The following DIAPH2 variants were observed in gnomAD, a reference collection of about 807,000 sequenced individuals.
DIAPH2 encodes protein diaphanous homolog 2.
In DIAPH2, 35 loss-of-function variants were observed where a neutral mutation model predicts 92.7. The ratio of observed to expected loss-of-function variants is 0.38; its 90% CI spans 0.29 to 0.50. DIAPH2 has a LOEUF of 0.50. DIAPH2 is among the 20% of genes least tolerant of loss of function. The probability of loss-of-function intolerance (pLI) is 0.94; values close to 1 mark genes in which losing one functional copy is unlikely to be tolerated. For missense variants in DIAPH2, 701 were observed against 819.5 expected, an observed-to-expected ratio of 0.86 and a Z score of 1.77; for synonymous variants, 301 against 280.4, an observed-to-expected ratio of 1.07 and a Z score of -0.73.
At position 96,865,576 on chromosome X, in the gene DIAPH2, G is replaced by A. The variant is rs760550269; in HGVS notation, c.448-16003G>A. 3.6e-5 allele frequency among the ~76,000 whole-genome samples: 4 copies of A among 112,042 alleles called. No homozygotes were observed. In the South Asian group the frequency reaches 1.1e-3, roughly 32 times the overall value. On this transcript the variant is annotated intron_variant, in intron 4 of 26. Coordinates refer to ENST00000324765, the MANE Select transcript of DIAPH2 (RefSeq NM_006729.5). ...GCAGGGGAGGGCATCAGATGAAGTTGTAGAAAGAGGTAGGGGAAAAATTAC... is the reference window on the plus strand; with the variant it reads ...GCAGGGGAGGGCATCAGATGAAGTTATAGAAAGAGGTAGGGGAAAAATTAC...
intron 5 of DIAPH2, among the ~76,000 whole-genome samples, chrX:96,883,184 T>A (rs1260413685): frequency 1.8e-5 from 2 of 110,193 alleles, no homozygotes; most frequent in Admixed American, 2.0e-4. Context: ...AGTTTGGATT[T>A]ATGTATAAAT....
intron 25 of DIAPH2, among the ~76,000 whole-genome samples, chrX:97,414,215 A>T (rs1380487244): frequency 8.9e-6 from 1 of 111,797 alleles, no homozygotes; most frequent in Non-Finnish European, 1.9e-5. Context: ...GAGATAGCCC[A>T]ATAGAACATA....
intron 22 of DIAPH2, among the ~76,000 whole-genome samples, chrX:97,215,810 C>T (rs1362804103): frequency 8.9e-6 from 1 of 112,121 alleles, no homozygotes; most frequent in Non-Finnish European, 1.9e-5. Context: ...CGTTCATACA[C>T]TTACAGAGAA....
At chrX:96,744,836 G>A (rs1023697093) in intron 3 of DIAPH2, among the ~76,000 whole-genome samples, 1 of 110,989 alleles carries the variant, frequency 9.0e-6, no homozygotes, top group Non-Finnish European at 1.9e-5. Context: ...TGTTCTTGTC[G>A]TATTTGATGG....
chrX:97,330,085 T>TTGTGTGTG (rs367920689), intron 23 of DIAPH2, among the ~76,000 whole-genome samples: 2,068 of 94,845 alleles, frequency 0.022, 25 homozygotes, highest in Middle Eastern at 0.036. Context: ...GATTTGGTGT[T>TTGTGTGTG]TGTGTGTGTG....
intron 23 of DIAPH2, among the ~76,000 whole-genome samples, chrX:97,249,281 C>T (rs1195071141): frequency 9.0e-6 from 1 of 111,394 alleles, no homozygotes; most frequent in Admixed American, 9.6e-5. Context: ...TAATTTCAAA[C>T]CCTCATGAAC....
chrX:97,466,692 C>T (rs763423466), intron 26 of DIAPH2, among the ~76,000 whole-genome samples: 1 of 112,234 alleles, frequency 8.9e-6, no homozygotes, highest in African/African-American at 3.2e-5. Flanking sequence ...TTTGTTGTTG[C>T]TCTTGCTGTT....
intron 26 of DIAPH2, among the ~76,000 whole-genome samples, chrX:97,585,689 C>A (rs1288260488): frequency 2.7e-5 from 3 of 111,086 alleles, no homozygotes; most frequent in African/African-American, 9.8e-5. Flanking sequence ...GAAAATATCA[C>A]CCCTTTCAGG....
intron 22 of DIAPH2, among the ~76,000 whole-genome samples, chrX:97,234,778 A>G (rs1371336289): frequency 8.9e-6 from 1 of 112,084 alleles, no homozygotes; most frequent in Non-Finnish European, 1.9e-5. Flanking sequence ...CACAGGCCAT[A>G]CGAAAACAGG....
chrX:97,543,087 C>T (rs1602658921), intron 26 of DIAPH2, among the ~76,000 whole-genome samples: 1 of 112,617 alleles, frequency 8.9e-6, no homozygotes, highest in African/African-American at 3.2e-5. Context: ...GCAGTTCCTG[C>T]CACTAGTCTC....
In DIAPH2 at chrX:96,945,538, A is replaced by G; in HGVS notation, c.1456A>G (p.Asn486Asp). 8.6e-7 allele frequency: 1 copy of G among 1,161,930 alleles called. No homozygotes were observed. The highest frequency in any genetic ancestry group is 1.1e-6 in the Non-Finnish European group (1 of 876,818). The change falls in exon 14 of 27, where the codon AAC (asparagine) becomes GAC (aspartate). Residue 486 changes from asparagine to aspartate, a missense_variant. By Grantham distance (23) the Asn-to-Asp change is conservative (BLOSUM62 1). This residue lies in a region of DIAPH2 where 536 missense variants were observed against 599.3 expected (regional missense o/e 0.89). Coordinates refer to ENST00000324765, the MANE Select transcript of DIAPH2 (RefSeq NM_006729.5). ...TTTGATCTTAATAGATTCTTGTGTG[A>G]ACAAGGCGAAAGTTGAAGAAAGTGA... ...DLTHLIDSCV[N>D]KAKVEESEQK...
At chrX:97,181,128 G>T (rs1246840424) in intron 22 of DIAPH2, among the ~76,000 whole-genome samples, 1 of 110,579 alleles carries the variant, frequency 9.0e-6, no homozygotes, top group African/African-American at 3.3e-5. Context: ...GGAGTGCAGT[G>T]GTGTGATCTC....
intron 5 of DIAPH2, among the ~76,000 whole-genome samples, chrX:96,907,768 C>T (rs1468521934): frequency 9.0e-6 from 1 of 111,722 alleles, no homozygotes; most frequent in Non-Finnish European, 1.9e-5. Context: ...CCCAGCTGTT[C>T]CACTCCTAGA....
chrX:97,471,404 G>A (rs1394831228), intron 26 of DIAPH2, among the ~76,000 whole-genome samples: 1 of 111,706 alleles, frequency 9.0e-6, no homozygotes, highest in Non-Finnish European at 1.9e-5. Flanking sequence ...AATGAAGAAA[G>A]AATGGGCCGG....
chrX:97,321,122 A>G (rs1301313242), intron 23 of DIAPH2, among the ~76,000 whole-genome samples: 2 of 111,641 alleles, frequency 1.8e-5, no homozygotes, highest in Non-Finnish European at 3.8e-5. Context: ...AGAGAGTGCT[A>G]GATGGAGAAT....
At chrX:97,544,156 C>G (rs908389286) in intron 26 of DIAPH2, among the ~76,000 whole-genome samples, 2 of 111,322 alleles carry the variant, frequency 1.8e-5, no homozygotes, top group Non-Finnish European at 3.8e-5. Flanking sequence ...CAATTGTCAC[C>G]CCAGCACTTC....
chrX:96,723,223 A>G (rs746728783), intron 1 of DIAPH2, among the ~76,000 whole-genome samples: 1 of 112,045 alleles, frequency 8.9e-6, no homozygotes, highest in South Asian at 3.8e-4. Flanking sequence ...TTCTTGAACA[A>G]ATTCACTGTA....
At chrX:96,816,269 GA>G (rs2147669229) in intron 4 of DIAPH2, among the ~76,000 whole-genome samples, 1 of 111,924 alleles carries the variant, frequency 8.9e-6, no homozygotes, top group Non-Finnish European at 1.9e-5. Context: ...TGGCTACAAT[GA>G]ATAATGCTGC....
chrX:96,775,605 C>T (rs954185159), intron 4 of DIAPH2, among the ~76,000 whole-genome samples: 9 of 110,511 alleles, frequency 8.1e-5, no homozygotes, highest in Middle Eastern at 4.6e-3. Flanking sequence ...GCTTGGTGTG[C>T]GAAGTTAATC....
Sources: allele counts gnomAD v4.1 joint callset (sites outside exome capture counted in the v4.1 genomes callset), GRCh38; gene constraint gnomAD v4.1.1; regional missense constraint gnomAD v4.1.1; transcripts MANE v1.5; gene names NCBI Gene and HGNC (gene_info 2026-07-23, HGNC 2026-07-21).